AXIN2: variants seen among roughly 807,000 people sequenced by gnomAD.
AXIN2 encodes the protein axin-2.
AXIN2 carries 21 observed loss-of-function variants against 74.7 expected under a neutral mutation model. The ratio of observed to expected loss-of-function variants is 0.28; its 90% CI spans 0.20 to 0.40. AXIN2 has a LOEUF of 0.40. Among genes scored for constraint, AXIN2 ranks in the 10% least tolerant of loss-of-function variants. The pLI is 1.00. For synonymous variants in AXIN2, 532 were observed against 454.9 expected (o/e 1.17, Z -2.16); for missense variants, 1,144 against 1,111.1 (o/e 1.03, Z -0.42).
At chr17:65,530,390 A>G (rs1051048427) in intron 10 of AXIN2, among the ~76,000 whole-genome samples, 1 of 152,166 alleles carries the variant, frequency 6.6e-6, no homozygotes, top group African/African-American at 2.4e-5. Context: ...TGACACGTAT[A>G]CACTGTGAAA....
chr17:65,549,007 T>TA lies in AXIN2; in HGVS notation c.956+512dup, dbSNP rs537161780. On this transcript the variant is annotated intron_variant, in intron 3 of 10. Coordinates refer to ENST00000307078, the MANE Select transcript of AXIN2 (RefSeq NM_004655.4). ...TTAAAAACAAAACAATGCGGAACATTACACACTGTGGCTCTTTAGAGATTT... is the reference window on the plus strand; with the variant it reads ...TTAAAAACAAAACAATGCGGAACATTAACACACTGTGGCTCTTTAGAGATTT... Among the ~76,000 whole-genome samples the TA allele has an allele frequency of 4.4e-3, 667 of 152,238 alleles. 4 individuals are homozygous for TA. The highest frequency in any genetic ancestry group is 5.6e-3 in the South Asian group (27 of 4,822).
intron 4 of AXIN2, among the ~76,000 whole-genome samples, chr17:65,538,963 CCTCT>C (rs34653945): frequency 0.012 from 1,852 of 152,112 alleles, 15 homozygotes; most frequent in Middle Eastern, 0.02. Flanking sequence ...TTCCCTCCTC[CCTCT>C]CTCTTTGTAC....
rs1377592999 is a variant in AXIN2, at chr17:65,538,325, T to C, written c.1078A>G (p.Lys360Glu). 1 of 1,613,916 alleles carries C rather than the reference T, an allele frequency of 6.2e-7. No individual in the cohort carries two copies. Among genetic ancestry groups the C allele is most frequent in the Non-Finnish European group, 8.5e-7 (1 of 1,180,004 alleles). Residue 360 changes from lysine (K) to glutamate (E), a missense_variant, in exon 5 of 11, where the codon AAG becomes GAG. Transcript: ENST00000307078. ...PHFPRTHRLPKEMTPVEPATF... is the reference protein window; with the variant it reads ...PHFPRTHRLPEEMTPVEPATF... ...GCGGGTTCCACGGGGGTCATCTCCTTGGGCAGGCGGTGGGTTCTCTACAGG... is the reference window on the plus strand; with the variant it reads ...GCGGGTTCCACGGGGGTCATCTCCTCGGGCAGGCGGTGGGTTCTCTACAGG...
chr17:65,529,903 G>A lies in AXIN2; in HGVS notation c.*73C>T, dbSNP rs540788043. 45 of 1,609,604 alleles carry A rather than the reference G, an allele frequency of 2.8e-5. No individual in the cohort carries two copies. Among genetic ancestry groups the A allele is most frequent in the South Asian group, 2.4e-4 (22 of 90,742 alleles). ...TAATTTTCCTTCAAAATGTTTTGTC[G>A]CAGTTGCTCACAGCCAAGACAGTTC... is the stretch of plus-strand genomic sequence containing the variant. On this transcript the variant is annotated 3_prime_UTR_variant, in exon 11 of 11. Transcript: ENST00000307078.
At chr17:65,536,788 G>A in intron 7 of AXIN2, 81 bp downstream of exon 7, 11 of 1,578,512 alleles carry the variant, frequency 7.0e-6, no homozygotes, top group East Asian at 2.2e-5. Flanking sequence ...TCCGCGGACT[G>A]CAAAAACAGC....
Position 65,561,489 on chromosome 17 carries a change from G to C in AXIN2, c.-156C>G, listed in dbSNP as rs1191382666. The C allele has an allele frequency of 6.7e-6, 1 of 150,258 alleles. No homozygotes were observed. Among genetic ancestry groups the C allele is most frequent in the Non-Finnish European group, 1.5e-5 (1 of 67,186 alleles). The allele number at this position is 150,258 out of a possible 1,614,324, so 9.3% of individuals were successfully genotyped here. A position where few individuals can be genotyped will look rare whatever the true frequency, so the allele number is the denominator to read the frequency against. On this transcript the variant is annotated 5_prime_UTR_variant, in exon 1 of 11. Transcript: ENST00000307078. Reference sequence around the variant, plus strand: ...CCTTCGGCGGGCGCCTCGGCCGCCGGGCGGCCCCGAAATCCATCGCTCTGA... The same window carrying C: ...CCTTCGGCGGGCGCCTCGGCCGCCGCGCGGCCCCGAAATCCATCGCTCTGA...
At chr17:65,545,588 G>A (rs1284722364) in intron 3 of AXIN2, among the ~76,000 whole-genome samples, 1 of 151,986 alleles carries the variant, frequency 6.6e-6, no homozygotes, top group Non-Finnish European at 1.5e-5. Context: ...CCCAGGAGGC[G>A]GAGGTTCCAG....
At chr17:65,535,167 T>G (rs1455245297) in intron 9 of AXIN2, among the ~76,000 whole-genome samples, 1 of 152,230 alleles carries the variant, frequency 6.6e-6, no homozygotes, top group African/African-American at 2.4e-5. Context: ...CTCAACCTAC[T>G]TTGAAAGAGA....
chr17:65,537,642 C>G lies in AXIN2; in HGVS notation c.1394G>C (p.Arg465Pro), dbSNP rs764640447. The G allele has an allele frequency of 2.5e-6, 4 of 1,579,060 alleles. No homozygotes were observed. Among genetic ancestry groups the G allele is most frequent in the South Asian group, 1.1e-5 (1 of 88,538 alleles). Residue 465 changes from arginine to proline, a missense_variant, in exon 6 of 11, where the codon CGC becomes CCC. Coordinates refer to ENST00000307078, the MANE Select transcript of AXIN2 (RefSeq NM_004655.4). The stretch of plus-strand genomic sequence containing the variant: ...GTGGTGGTGGTGGTGGTCCGGGGAG[C>G]GGGAGCGGGGGCTATAGCGGCCTAC... ...PGVGRYSPRS[R>P]SPDHHHHHHS...
In AXIN2 at chr17:65,552,603, C is replaced by T. The variant is rs189850846; in HGVS notation, c.816-2943G>A. Among the ~76,000 whole-genome samples the T allele has an allele frequency of 4.6e-3, 695 of 152,302 alleles. 6 individuals are homozygous for T. The highest frequency in any genetic ancestry group is 0.015 in the African/African-American group (640 of 41,562). On this transcript the variant is annotated intron_variant, in intron 2 of 10. Transcript: ENST00000307078. ...CACAACCCCTCCAGAGGTGGGCACC[C>T]ACCTGAAGAGCAGGCAGTTGGATCA...
rs979123950 is a variant in AXIN2, at chr17:65,561,534, G to A, written c.-201C>T. On this transcript the variant is annotated 5_prime_UTR_variant, in exon 1 of 11. Coordinates refer to ENST00000307078, the MANE Select transcript of AXIN2 (RefSeq NM_004655.4). The stretch of plus-strand genomic sequence containing the variant: ...CTCTGAGGGGTTATTTTTATTTCCC[G>A]GCTCTCGGGCTGTTACTGAGTTGCC... 1 of 150,768 alleles carries A rather than the reference G, an allele frequency of 6.6e-6. No homozygotes were observed. The highest frequency in any genetic ancestry group is 2.4e-5 in the African/African-American group (1 of 41,290). 9.3% of individuals were successfully genotyped at this position (150,768 alleles called of 1,614,324 possible). A position where few individuals can be genotyped will look rare whatever the true frequency, so the allele number is the denominator to read the frequency against.
At position 65,537,615 on chromosome 17, in the gene AXIN2, T is replaced by C. The variant is rs756008626; in HGVS notation, c.1421A>G (p.His474Arg). The C allele has an allele frequency of 6.4e-7, 1 of 1,559,102 alleles. No individual in the cohort carries two copies. Among genetic ancestry groups the C allele is most frequent in the South Asian group, 1.1e-5 (1 of 87,530 alleles). Residue 474 changes from histidine (H) to arginine (R), a missense_variant, in exon 6 of 11, where the codon CAT (histidine) becomes CGT (arginine). His to Arg is a conservative substitution (Grantham distance 29, BLOSUM62 0). This residue lies in a region of AXIN2 where 1,053 missense variants were observed against 973.5 expected (regional missense o/e 1.08). Transcript: ENST00000307078. Reference sequence around the variant, plus strand: ...CGGGAGCAGGGAGTGGTACTGCGAATGGTGGTGGTGGTGGTGGTCCGGGGA... The same window carrying C: ...CGGGAGCAGGGAGTGGTACTGCGAACGGTGGTGGTGGTGGTGGTCCGGGGA... ...SRSPDHHHHH[H>R]SQYHSLLPPG...
At position 65,530,733 on chromosome 17, in the gene AXIN2, G is replaced by A. The variant is rs571029130; in HGVS notation, c.2406-631C>T. Among the ~76,000 whole-genome samples, 8 of 152,322 alleles carry A rather than the reference G, an allele frequency of 5.3e-5. No homozygotes were observed. In the East Asian group the frequency reaches 1.2e-3, roughly 22 times the overall value. The stretch of plus-strand genomic sequence containing the variant: ...CAGCGCAGCTTCCCAGGGCCGAACA[G>A]ACGGCACTGGCCCCATGATGCCCTC... On this transcript the variant is annotated intron_variant, in intron 10 of 10. Coordinates refer to ENST00000307078, the MANE Select transcript of AXIN2 (RefSeq NM_004655.4).
chr17:65,556,731 A>C (rs938102421), intron 2 of AXIN2, among the ~76,000 whole-genome samples: 17 of 152,106 alleles, frequency 1.1e-4, no homozygotes, highest in African/African-American at 4.1e-4. Context: ...GCTGGGCACT[A>C]GAGACCACAT....
rs778087092 is a variant in AXIN2, at chr17:65,529,967, C to A, written c.*9G>T. On this transcript the variant is annotated 3_prime_UTR_variant, in exon 11 of 11. Coordinates refer to ENST00000307078, the MANE Select transcript of AXIN2 (RefSeq NM_004655.4). ...GCTCCAACAGTTCACCAAAGCCAGA[C>A]CCCAGGGCTCAATCGATCCGCTCCA... is the stretch of plus-strand genomic sequence containing the variant. The A allele has an allele frequency of 1.2e-6, 2 of 1,614,134 alleles. No individual in the cohort carries two copies. The highest frequency in any genetic ancestry group is 1.7e-6 in the Non-Finnish European group (2 of 1,180,004).
At chr17:65,533,797 G>GCCCCCCCCCCCCCC in intron 10 of AXIN2, 115 bp downstream of exon 10, 1 of 989,832 alleles carries the variant, frequency 1.0e-6, no homozygotes, top group Non-Finnish European at 1.5e-6. Flanking sequence ...CGCCTGCTGA[G>GCCCCCCCCCCCCCC]CCCCCTCCCA....
At chr17:65,538,407 C>A (rs949010391) in intron 4 of AXIN2, 64 bp from the exon 5 acceptor site, 99 of 1,601,162 alleles carry the variant, frequency 6.2e-5, no homozygotes, top group Non-Finnish European at 8.0e-5. Flanking sequence ...GGTGGCTTGG[C>A]CGGAGCTTCC....
intron 3 of AXIN2, among the ~76,000 whole-genome samples, chr17:65,548,333 G>A (rs2044144854): frequency 6.6e-6 from 1 of 152,130 alleles, no homozygotes; most frequent in South Asian, 2.1e-4. Flanking sequence ...CCCTCCAACT[G>A]GTCCCATGCC....
At chr17:65,541,579 A>C in intron 3 of AXIN2, 22 bp from the exon 4 acceptor site, 1 of 1,592,984 alleles carries the variant, frequency 6.3e-7, no homozygotes, top group Non-Finnish European at 8.6e-7. Context: ...GAAAAGACAG[A>C]ATCCACAGGC....
Sources: allele counts gnomAD v4.1 joint callset (sites outside exome capture counted in the v4.1 genomes callset), GRCh38; gene constraint gnomAD v4.1.1; regional missense constraint gnomAD v4.1.1; transcripts MANE v1.5; gene names NCBI Gene and HGNC (gene_info 2026-07-23, HGNC 2026-07-21).